CCDC38: variants seen among roughly 807,000 people sequenced by gnomAD.
The protein encoded by CCDC38 is coiled-coil domain-containing protein 38.
CCDC38 carries 69 observed loss-of-function variants against 72.8 expected under a neutral mutation model. The ratio of observed to expected loss-of-function variants is 0.95; its 90% CI spans 0.78 to 1.16. The LOEUF is 1.16. Among genes scored for constraint, CCDC38 ranks in the 50% most tolerant of loss-of-function variants. The pLI is 0.00. For synonymous variants in CCDC38, 201 were observed against 213.2 expected, an observed-to-expected ratio of 0.94 and a Z score of 0.50; for missense variants, 626 against 638.9, an observed-to-expected ratio of 0.98 and a Z score of 0.22.
intron 15 of CCDC38, 116 bp from the exon 16 acceptor site, chr12:95,867,305 C>T (rs1374910342): frequency 3.1e-6 from 2 of 654,584 alleles, no homozygotes; most frequent in Admixed American, 5.8e-5. Flanking sequence ...TGGTTTGTAA[C>T]ATTAACTAAT....
chr12:95,933,408 A>T (rs1472829253), intron 2 of CCDC38: 1 of 152,234 alleles, frequency 6.6e-6, no homozygotes, highest in Admixed American at 6.5e-5. Flanking sequence ...ACAGAAGAAG[A>T]AACATTTATG....
intron 2 of CCDC38, 63 bp downstream of exon 2, chr12:95,936,410 A>G: frequency 6.9e-7 from 1 of 1,446,260 alleles, no homozygotes; most frequent in African/African-American, 1.4e-5. Context: ...TATGCTCACA[A>G]TCTGTTATGG....
intron 4 of CCDC38, among the ~76,000 whole-genome samples, chr12:95,912,952 T>C (rs1217301041): frequency 6.6e-6 from 1 of 151,902 alleles, no homozygotes; most frequent in Non-Finnish European, 1.5e-5. Flanking sequence ...TCCCAGCTAC[T>C]TGGGAGGGGA....
Position 95,867,069 on chromosome 12 carries a change from C to T in CCDC38, c.*7G>A. 6.9e-7 allele frequency: 1 copy of T among 1,450,704 alleles called. No individual in the cohort carries two copies. The highest frequency in any genetic ancestry group is 9.6e-7 in the Non-Finnish European group (1 of 1,037,182). The allele number at this position is 1,450,704 out of a possible 1,614,324, so 89.9% of individuals were successfully genotyped here. A position where few individuals can be genotyped will look rare whatever the true frequency, so the allele number is the denominator to read the frequency against. ...ATTCTGGTAATAAAATGTCTTACTG[C>T]TTTTATTCAAGTAAAAAAATATTCT... On this transcript the variant is annotated 3_prime_UTR_variant, in exon 16 of 16. Coordinates refer to ENST00000344280, the MANE Select transcript of CCDC38 (RefSeq NM_182496.3).
rs2079957595 is a variant in CCDC38 at position 95,902,220 on chromosome 12, T to C, written c.370-3489A>G. On this transcript the variant is annotated intron_variant, in intron 5 of 15. Transcript: ENST00000344280. ...ATTTTTTTCTAGTTTAATTGAGGTA[T>C]AACTATCCAATAAACTCCACATTTT... Among the ~76,000 whole-genome samples the C allele has an allele frequency of 2.0e-5, 3 of 152,186 alleles. No homozygotes were observed. The South Asian group carries it at 6.2e-4, about 31-fold the overall frequency.
intron 2 of CCDC38, among the ~76,000 whole-genome samples, chr12:95,928,571 G>A (rs1160068549): frequency 5.9e-5 from 9 of 152,170 alleles, no homozygotes; most frequent in East Asian, 1.9e-4. Context: ...GCTTTGTTCT[G>A]TTGCTGGTGA....
intron 10 of CCDC38, among the ~76,000 whole-genome samples, chr12:95,883,098 C>G (rs926338305): frequency 9.2e-5 from 14 of 152,236 alleles, no homozygotes; most frequent in African/African-American, 3.4e-4. Context: ...TTCCCTATGT[C>G]TCTCACAGCC....
chr12:95,921,823 C>T (rs537003504), intron 2 of CCDC38, among the ~76,000 whole-genome samples: 31 of 152,110 alleles, frequency 2.0e-4, no homozygotes, highest in African/African-American at 7.5e-4. Flanking sequence ...CCACCTCAAC[C>T]TTACAAAAAG....
At chr12:95,877,993 G>A (rs551749347) in intron 13 of CCDC38, among the ~76,000 whole-genome samples, 136 of 152,330 alleles carry the variant, frequency 8.9e-4, no homozygotes, top group Non-Finnish European at 1.5e-3. Flanking sequence ...AAAGAGCAAC[G>A]TTTTAAGAGA....
intron 13 of CCDC38, among the ~76,000 whole-genome samples, chr12:95,877,458 T>G (rs1261407046): frequency 6.6e-6 from 1 of 152,188 alleles, no homozygotes; most frequent in Non-Finnish European, 1.5e-5. Flanking sequence ...CCACGAGAAA[T>G]AGCAGCCCAA....
chr12:95,870,729 T>A (rs1331234868), intron 14 of CCDC38, among the ~76,000 whole-genome samples: 1 of 152,174 alleles, frequency 6.6e-6, no homozygotes, highest in Non-Finnish European at 1.5e-5. Context: ...TTGCTTTATG[T>A]TCAATAAGAT....
chr12:95,892,081 C>CTTTTTTTT (rs67478657), intron 8 of CCDC38, among the ~76,000 whole-genome samples: 1 of 97,996 alleles, frequency 1.0e-5, no homozygotes, highest in Non-Finnish European at 1.9e-5. Context: ...GATCACTCTG[C>CTTTTTTTT]TTTTTTTTTT....
chr12:95,905,959 A>T (rs1303139891), intron 5 of CCDC38, among the ~76,000 whole-genome samples: 2 of 152,174 alleles, frequency 1.3e-5, no homozygotes, highest in African/African-American at 4.8e-5. Context: ...GGGATTCTAG[A>T]ATTGTCTGAA....
intron 2 of CCDC38, chr12:95,934,489 C>T (rs959290167): frequency 2.0e-5 from 3 of 152,068 alleles, no homozygotes; most frequent in Non-Finnish European, 4.4e-5. Flanking sequence ...CTCTTGTCAA[C>T]ATCCAGGAAA....
chr12:95,931,573 C>T (rs1364439842), intron 2 of CCDC38, among the ~76,000 whole-genome samples: 2 of 152,136 alleles, frequency 1.3e-5, no homozygotes, highest in African/African-American at 2.4e-5. Flanking sequence ...TTAATTCATT[C>T]ATCCACTCAT....
intron 4 of CCDC38, among the ~76,000 whole-genome samples, chr12:95,907,885 C>T (rs1374554339): frequency 6.6e-6 from 1 of 151,120 alleles, no homozygotes; most frequent in Non-Finnish European, 1.5e-5. Flanking sequence ...GATGGGATGG[C>T]GGCCGGGAAG....
At chr12:95,942,040 A>C (rs910932486) in intron 1 of CCDC38, among the ~76,000 whole-genome samples, 2 of 151,940 alleles carry the variant, frequency 1.3e-5, no homozygotes, top group African/African-American at 2.4e-5. Flanking sequence ...AATGAGACTA[A>C]ATTAACTTTT....
chr12:95,923,358 T>C (rs2080229509), intron 2 of CCDC38, among the ~76,000 whole-genome samples: 1 of 152,104 alleles, frequency 6.6e-6, no homozygotes, highest in Non-Finnish European at 1.5e-5. Context: ...CATGGACCTA[T>C]GCCTTATATA....
In CCDC38 at chr12:95,898,673, C is replaced by T. The variant is rs1225468229; in HGVS notation, c.428G>A (p.Arg143Lys). Reference sequence around the variant, plus strand: ...CTCTGCTTTTTTTAGTTGCCGTTCCCTCATTGCTATGTCTTTTTCAAACTT... The same window carrying T: ...CTCTGCTTTTTTTAGTTGCCGTTCCTTCATTGCTATGTCTTTTTCAAACTT... ...IKKFEKDIAM[R>K]ERQLKKAEKK... The change falls in exon 6 of 16, where the codon AGG becomes AAG. Residue 143 changes from arginine to lysine, a missense_variant. Coordinates refer to ENST00000344280, the MANE Select transcript of CCDC38 (RefSeq NM_182496.3). The T allele has an allele frequency of 6.2e-7, 1 of 1,614,110 alleles. No homozygotes were observed.
Sources: allele counts gnomAD v4.1 joint callset (sites outside exome capture counted in the v4.1 genomes callset), GRCh38; gene constraint gnomAD v4.1.1; transcripts MANE v1.5; gene names NCBI Gene and HGNC (gene_info 2026-07-23, HGNC 2026-07-21).